ANAPC5: variants seen among roughly 807,000 people sequenced by gnomAD.
The protein encoded by ANAPC5 is anaphase-promoting complex subunit 5.
ANAPC5 carries 60 observed loss-of-function variants against 91.3 expected under a neutral mutation model. That is an observed-to-expected ratio of 0.66 (90% CI 0.53 to 0.81). The LOEUF is 0.81. Ranked by LOEUF, ANAPC5 falls within the 40% of genes least tolerant of loss-of-function variation. The probability of loss-of-function intolerance (pLI) is 0.00; values close to 1 mark genes in which losing one functional copy is unlikely to be tolerated. For synonymous variants in ANAPC5, 340 were observed against 364.1 expected (o/e 0.93, Z 0.75); for missense variants, 690 against 931.5 (o/e 0.74, Z 3.37).
intron 15 of ANAPC5, among the ~76,000 whole-genome samples, chr12:121,315,890 C>T (rs1902338196): frequency 6.6e-6 from 1 of 152,076 alleles, no homozygotes; most frequent in Non-Finnish European, 1.5e-5. Context: ...TTAGATTTGT[C>T]AGTATCTTAG....
intron 4 of ANAPC5, among the ~76,000 whole-genome samples, chr12:121,343,250 G>A (rs1370857706): frequency 6.6e-6 from 1 of 152,134 alleles, no homozygotes; most frequent in Admixed American, 6.5e-5. Flanking sequence ...GCTACTTTAA[G>A]CATATAAAGT....
At chr12:121,327,357 A>AG in intron 10 of ANAPC5, 126 bp from the exon 11 acceptor site, 4 of 1,188,076 alleles carry the variant, frequency 3.4e-6, no homozygotes, top group Non-Finnish European at 4.6e-6. Flanking sequence ...CTTTCTTGGG[A>AG]GCAGATGCCT....
intron 8 of ANAPC5, chr12:121,331,023 G>A (rs1323471156): frequency 7.7e-6 from 3 of 389,678 alleles, no homozygotes; most frequent in African/African-American, 6.1e-5. Flanking sequence ...TGCTATTACA[G>A]GACAACATCT....
chr12:121,316,579 A>C (rs1366193927), intron 15 of ANAPC5, among the ~76,000 whole-genome samples: 1 of 151,862 alleles, frequency 6.6e-6, no homozygotes, highest in Non-Finnish European at 1.5e-5. Flanking sequence ...TAAAAATACA[A>C]AAAAATAGCT....
At chr12:121,323,722 C>T (rs1164429607) in intron 11 of ANAPC5, among the ~76,000 whole-genome samples, 8 of 152,282 alleles carry the variant, frequency 5.3e-5, no homozygotes, top group Admixed American at 6.5e-5. Context: ...CATAGACGCT[C>T]AGGCCACATG....
intron 12 of ANAPC5, 35 bp from the exon 13 acceptor site, chr12:121,319,853 TG>T: frequency 6.3e-7 from 1 of 1,575,778 alleles, no homozygotes; most frequent in East Asian, 2.3e-5. Flanking sequence ...AAGTACAAAA[TG>T]GCGAATGTTC....
chr12:121,320,550 C>T, intron 11 of ANAPC5, 91 bp from the exon 12 acceptor site: 1 of 1,068,196 alleles, frequency 9.4e-7, no homozygotes, highest in Non-Finnish European at 1.4e-6. Context: ...TTCACCTGTT[C>T]CCGTTCTTGA....
intron 3 of ANAPC5, chr12:121,346,356 C>A: frequency 4.6e-6 from 1 of 216,812 alleles, no homozygotes; most frequent in Non-Finnish European, 9.0e-6. Context: ...GAGGTAATCT[C>A]CATAAGAGGA....
rs868951347 is a variant in ANAPC5 at position 121,333,869 on chromosome 12, A to G, written c.950+1664T>C. 4 of 152,154 alleles carry G rather than the reference A, an allele frequency of 2.6e-5. No homozygotes were observed. The South Asian group carries it at 6.2e-4, about 24-fold the overall frequency. The allele number at this position is 152,154 out of a possible 1,614,324, so 9.4% of individuals were successfully genotyped here. A position where few individuals can be genotyped will look rare whatever the true frequency, so the allele number is the denominator to read the frequency against. On this transcript the variant is annotated intron_variant, in intron 7 of 16. Transcript: ENST00000261819. ...TGGATAAGTCATTTTTTTCCAGGCT[A>G]AACATGTCTCACATCCCTCCCACAT...
chr12:121,345,240 G>A (rs1294423400), intron 4 of ANAPC5, among the ~76,000 whole-genome samples: 1 of 152,154 alleles, frequency 6.6e-6, no homozygotes, highest in African/African-American at 2.4e-5. Flanking sequence ...CTTCCTTAGA[G>A]GCTAGACCTT....
At chr12:121,335,462 G>A in intron 7 of ANAPC5, 71 bp downstream of exon 7, 2 of 1,504,030 alleles carry the variant, frequency 1.3e-6, no homozygotes, top group Non-Finnish European at 1.8e-6. Context: ...CACCGCACCA[G>A]GCCAAACAGC....
At chr12:121,321,431 T>C (rs1228106914) in intron 11 of ANAPC5, among the ~76,000 whole-genome samples, 2 of 147,414 alleles carry the variant, frequency 1.4e-5, no homozygotes, top group African/African-American at 5.0e-5. Flanking sequence ...CTCAGCTCAA[T>C]GCAGCCTCAA....
At chr12:121,347,381 G>A in intron 2 of ANAPC5, 1 of 259,908 alleles carries the variant, frequency 3.8e-6, no homozygotes, top group South Asian at 5.6e-5. Context: ...TGTAATCCCA[G>A]CACTTTGCGA....
chr12:121,325,065 G>A (rs1446065720), intron 11 of ANAPC5, among the ~76,000 whole-genome samples: 3 of 152,210 alleles, frequency 2.0e-5, no homozygotes, highest in African/African-American at 7.2e-5. Flanking sequence ...TCAGGAGGCT[G>A]AGGTGGGAGG....
At chr12:121,320,272 T>C in intron 12 of ANAPC5, 113 bp downstream of exon 12, 2 of 988,716 alleles carry the variant, frequency 2.0e-6, no homozygotes, top group Non-Finnish European at 3.0e-6. Context: ...CTTTGACAAG[T>C]TCCTTTTTAG....
chr12:121,323,599 T>C lies in ANAPC5; in HGVS notation c.1441-3140A>G, dbSNP rs572953562. ...CGCCTGCTTCAGCCTCCCAAAGTGCTGGGATTACAAGTATAAAGATAAACA... is the reference window on the plus strand; with the variant it reads ...CGCCTGCTTCAGCCTCCCAAAGTGCCGGGATTACAAGTATAAAGATAAACA... On this transcript the variant is annotated intron_variant, in intron 11 of 16. Coordinates refer to ENST00000261819, the MANE Select transcript of ANAPC5 (RefSeq NM_016237.5). Among the ~76,000 whole-genome samples the C allele has an allele frequency of 4.6e-5, 7 of 152,342 alleles. No homozygotes were observed. The South Asian group carries it at 1.5e-3, about 32-fold the overall frequency.
chr12:121,344,664 T>C (rs1483827551), intron 4 of ANAPC5, among the ~76,000 whole-genome samples: 5 of 151,884 alleles, frequency 3.3e-5, no homozygotes, highest in African/African-American at 1.2e-4. Context: ...TGAGGAAAGT[T>C]GAGCTGTGAT....
chr12:121,354,196 C>T (rs1904002823), upstream of ANAPC5, among the ~76,000 whole-genome samples: 2 of 152,034 alleles, frequency 1.3e-5, no homozygotes, highest in Non-Finnish European at 2.9e-5. Flanking sequence ...ACCATGTTGG[C>T]CCGGCTGGTC....
intron 13 of ANAPC5, among the ~76,000 whole-genome samples, chr12:121,319,206 T>C (rs1188883907): frequency 6.6e-6 from 1 of 151,392 alleles, no homozygotes; most frequent in Non-Finnish European, 1.5e-5. Flanking sequence ...TGGGAGATAC[T>C]TATTTTCTTC....
Sources: gnomAD v4.1 joint callset for allele counts (sites outside exome capture counted in the v4.1 genomes callset) on GRCh38, gnomAD v4.1.1 for gene constraint, MANE v1.5 for transcripts, NCBI Gene and HGNC (gene_info 2026-07-23, HGNC 2026-07-21) for gene names.